AGBL1: variants seen among roughly 807,000 people sequenced by gnomAD.
The protein encoded by AGBL1 is cytosolic carboxypeptidase 4.
Under a neutral mutation model 118.9 loss-of-function variants are expected in AGBL1, and 130 were observed. That is an observed-to-expected ratio of 1.09 (90% CI 0.95 to 1.26). AGBL1 has a LOEUF of 1.26. Among genes scored for constraint, AGBL1 ranks in the 50% most tolerant of loss-of-function variants. The pLI is 0.00. For missense variants in AGBL1, 1,584 were observed against 1,298.1 expected (o/e 1.22, Z -3.38); for synonymous variants, 555 against 478.9 (o/e 1.16, Z -2.08).
chr15:86,143,678 T>C, intron 2 of AGBL1, 21 bp from the exon 3 acceptor site: 1 of 1,611,438 alleles, frequency 6.2e-7, no homozygotes, highest in Non-Finnish European at 8.5e-7. Context: ...GTGGCTCATC[T>C]TTCCTCCGGT....
At chr15:86,492,926 C>T (rs1028009440) in intron 18 of AGBL1, among the ~76,000 whole-genome samples, 4 of 151,874 alleles carry the variant, frequency 2.6e-5, no homozygotes, top group South Asian at 2.1e-4. Flanking sequence ...TATAGGCTCA[C>T]GCCTGTAATC....
At chr15:86,515,919 C>T (rs4530101) in intron 18 of AGBL1, among the ~76,000 whole-genome samples, 9,715 of 152,198 alleles carry the variant, frequency 0.064, 447 homozygotes, top group South Asian at 0.15. Flanking sequence ...TGGTTTTATA[C>T]ATTTTAGGGA....
intron 22 of AGBL1, among the ~76,000 whole-genome samples, chr15:86,856,999 C>T (rs757713260): frequency 6.6e-5 from 10 of 152,198 alleles, no homozygotes; most frequent in African/African-American, 1.7e-4. Flanking sequence ...AGTGGTCCTA[C>T]GTCCCAGCTG....
At position 86,993,154 on chromosome 15, in the gene AGBL1, A is replaced by T. The variant is rs2081349752; in HGVS notation, c.3323+5066A>T. ...GTGCTCTAACTGTAATATAAAAGGAAAGTATAATAAACTGCTACAAATTAA... is the reference window on the plus strand; with the variant it reads ...GTGCTCTAACTGTAATATAAAAGGATAGTATAATAAACTGCTACAAATTAA... On this transcript the variant is annotated intron_variant, in intron 24 of 24. Transcript: ENST00000441037. Among the ~76,000 whole-genome samples, 2 of 152,254 alleles carry T rather than the reference A, an allele frequency of 1.3e-5. 1 individual carries two copies. Among genetic ancestry groups the T allele is most frequent in the South Asian group, 4.1e-4 (2 of 4,832 alleles).
chr15:86,619,394 C>A (rs1340545207), intron 21 of AGBL1, among the ~76,000 whole-genome samples: 1 of 152,172 alleles, frequency 6.6e-6, no homozygotes, highest in Admixed American at 6.5e-5. Context: ...TTCTTTCTCT[C>A]TTTTAATGTC....
At chr15:86,803,156 G>A (rs982666292) in intron 22 of AGBL1, among the ~76,000 whole-genome samples, 3 of 152,032 alleles carry the variant, frequency 2.0e-5, no homozygotes, top group Non-Finnish European at 2.9e-5. Context: ...CTGTGTCTCC[G>A]CTGAAATCTT....
At chr15:86,934,116 C>T (rs1414099435) in intron 23 of AGBL1, among the ~76,000 whole-genome samples, 1 of 152,166 alleles carries the variant, frequency 6.6e-6, no homozygotes, top group Non-Finnish European at 1.5e-5. Flanking sequence ...CATCCATTAT[C>T]TCTTCAAATT....
chr15:86,353,236 C>T (rs1380888083), intron 17 of AGBL1, among the ~76,000 whole-genome samples: 1 of 152,166 alleles, frequency 6.6e-6, no homozygotes, highest in Non-Finnish European at 1.5e-5. Flanking sequence ...AGAAAATATT[C>T]AGGCTGTTGC....
chr15:86,124,836 T>C (rs1299738544), intron 1 of AGBL1, among the ~76,000 whole-genome samples: 10 of 152,212 alleles, frequency 6.6e-5, no homozygotes, highest in African/African-American at 2.4e-4. Context: ...TGTAATTATG[T>C]ATACAGTCGC....
chr15:86,275,764 A>G (rs1326854674), intron 15 of AGBL1, among the ~76,000 whole-genome samples: 45 of 152,200 alleles, frequency 3.0e-4, no homozygotes, highest in Admixed American at 2.9e-3. Context: ...CAGATGACCA[A>G]TAGGATCCAG....
At chr15:86,322,996 A>G (rs973099150) in intron 17 of AGBL1, among the ~76,000 whole-genome samples, 1 of 151,866 alleles carries the variant, frequency 6.6e-6, no homozygotes. Context: ...TGTTTCTCCT[A>G]TTTCCTGGGA....
At chr15:87,003,211 C>G (rs905598771) in intron 24 of AGBL1, among the ~76,000 whole-genome samples, 1 of 152,038 alleles carries the variant, frequency 6.6e-6, no homozygotes, top group African/African-American at 2.4e-5. Context: ...TTGTCAAAGG[C>G]CTTTTCTGCA....
At chr15:86,510,172 G>C (rs982293541) in intron 18 of AGBL1, among the ~76,000 whole-genome samples, 1 of 152,200 alleles carries the variant, frequency 6.6e-6, no homozygotes, top group South Asian at 2.1e-4. Flanking sequence ...TGTGTCCCGT[G>C]TCCTAAGAGA....
intron 22 of AGBL1, among the ~76,000 whole-genome samples, chr15:86,776,635 T>A (rs1259165014): frequency 2.6e-5 from 4 of 151,716 alleles, no homozygotes; most frequent in South Asian, 4.1e-4. Flanking sequence ...GGTTTTTTTT[T>A]ATTTATGGAA....
chr15:86,757,211 C>T (rs1353608592), intron 22 of AGBL1, among the ~76,000 whole-genome samples: 1 of 152,078 alleles, frequency 6.6e-6, no homozygotes, highest in African/African-American at 2.4e-5. Context: ...CTTGCTATTT[C>T]TAGCGGCAAG....
At chr15:86,193,288 G>T (rs2077751456) in intron 5 of AGBL1, among the ~76,000 whole-genome samples, 3 of 152,090 alleles carry the variant, frequency 2.0e-5, no homozygotes, top group Admixed American at 1.3e-4. Context: ...AAATGCTAAT[G>T]GACTTGATAG....
intron 19 of AGBL1, among the ~76,000 whole-genome samples, chr15:86,527,138 G>A (rs1202246408): frequency 2.0e-5 from 3 of 152,150 alleles, no homozygotes; most frequent in African/African-American, 7.2e-5. Context: ...CTGCACAGCA[G>A]GTCACAATTT....
intron 22 of AGBL1, among the ~76,000 whole-genome samples, chr15:86,903,324 AT>A (rs2080237618): frequency 6.6e-6 from 1 of 151,098 alleles, no homozygotes. Context: ...CTGTTATTGG[AT>A]TTCTCAACTC....
At chr15:86,104,567 A>G (rs1457386629) in intron 1 of AGBL1, among the ~76,000 whole-genome samples, 2 of 152,092 alleles carry the variant, frequency 1.3e-5, no homozygotes, top group African/African-American at 4.8e-5. Flanking sequence ...CTCAGGGCAC[A>G]TGAAAACGCA....
Sources: allele counts gnomAD v4.1 joint callset (sites outside exome capture counted in the v4.1 genomes callset), GRCh38; gene constraint gnomAD v4.1.1; transcripts MANE v1.5; gene names NCBI Gene and HGNC (gene_info 2026-07-23, HGNC 2026-07-21).